ACACB: variants seen among roughly 807,000 people sequenced by gnomAD.
The protein encoded by ACACB is acetyl-CoA carboxylase beta, also known as acetyl-CoA carboxylase 2.
A neutral mutation model predicts 278.8 loss-of-function variants in ACACB; 209 were observed. That is an observed-to-expected ratio of 0.75 (90% CI 0.67 to 0.84). The LOEUF is 0.84. Ranked by LOEUF, ACACB falls within the 40% of genes least tolerant of loss-of-function variation. The pLI, the probability that ACACB is intolerant of heterozygous loss-of-function variation, is 0.00. For missense variants in ACACB, 2,850 were observed against 3,269.0 expected, an observed-to-expected ratio of 0.87 and a Z score of 3.13; for synonymous variants, 1,174 against 1,285.6, an observed-to-expected ratio of 0.91 and a Z score of 1.86.
At chr12:109,192,564 A>G (rs368159293) in intron 15 of ACACB, among the ~76,000 whole-genome samples, 14 of 152,132 alleles carry the variant, frequency 9.2e-5, no homozygotes, top group African/African-American at 2.2e-4. Context: ...ACATTGCCCA[A>G]TGTCCCAGGG....
At chr12:109,129,308 G>C (rs973445621) in intron 1 of ACACB, among the ~76,000 whole-genome samples, 2 of 152,168 alleles carry the variant, frequency 1.3e-5, no homozygotes, top group African/African-American at 4.8e-5. Context: ...TGTGGGCTTA[G>C]AGAGTGACTG....
chr12:109,153,420 G>A (rs946159150), intron 2 of ACACB, among the ~76,000 whole-genome samples: 2 of 152,090 alleles, frequency 1.3e-5, no homozygotes, highest in African/African-American at 2.4e-5. Context: ...CTGAAGTTTC[G>A]CTGAAAAATT....
the ACACB span, chr12:109,111,493 G>A: frequency 4.6e-5 from 7 of 152,256 alleles, no homozygotes; most frequent in Non-Finnish European, 7.3e-5. Flanking sequence ...CTGTCAGGAT[G>A]ATCTGTGGGA....
chr12:109,246,634 T>C (rs2046954613), intron 39 of ACACB, among the ~76,000 whole-genome samples, 186 bp downstream of exon 39: 1 of 151,464 alleles, frequency 6.6e-6, no homozygotes, highest in South Asian at 2.1e-4. Context: ...GCGGGGGGGA[T>C]GGTGATGAGA....
chr12:109,167,930 A>G lies in ACACB; in HGVS notation c.821A>G (p.Lys274Arg). The change falls in exon 4 of 53, where the codon AAG (lysine) becomes AGG (arginine). Residue 274 changes from lysine (K) to arginine (R), a missense_variant. Physicochemically the swap from Lys to Arg is conservative, Grantham distance 26. This residue lies in a region of ACACB where 2,265 missense variants were observed against 2,561.3 expected (regional missense o/e 0.88). Transcript: ENST00000338432. ...GCCAACAACGGGATTGCCGCCGTGA[A>G]GTGCATGCGCTCCATCCGCAGGTGG... The part of the protein sequence containing the change: ...LIANNGIAAV[K>R]CMRSIRRWAY... 3 of 1,613,920 alleles carry G rather than the reference A, an allele frequency of 1.9e-6. No homozygotes were observed. The highest frequency in any genetic ancestry group is 2.5e-6 in the Non-Finnish European group (3 of 1,179,980).
At chr12:109,134,733 C>T (rs150043340) in intron 1 of ACACB, among the ~76,000 whole-genome samples, 46 of 152,250 alleles carry the variant, frequency 3.0e-4, no homozygotes, top group Non-Finnish European at 5.7e-4. Flanking sequence ...AGATTCACAA[C>T]CAAAGGGCAG....
chr12:109,198,991 TC>T (rs1271367707), intron 17 of ACACB, among the ~76,000 whole-genome samples: 2 of 151,636 alleles, frequency 1.3e-5, no homozygotes, highest in Non-Finnish European at 2.9e-5. Flanking sequence ...ATCGAGACCA[TC>T]CTGGCTAACA....
intron 22 of ACACB, among the ~76,000 whole-genome samples, chr12:109,214,228 C>T (rs2045930278): frequency 6.6e-6 from 1 of 152,122 alleles, no homozygotes; most frequent in African/African-American, 2.4e-5. Context: ...CGCCATTGCA[C>T]TCCAGCCTGG....
At chr12:109,199,138 C>T (rs915373834) in intron 17 of ACACB, among the ~76,000 whole-genome samples, 2 of 151,716 alleles carry the variant, frequency 1.3e-5, no homozygotes, top group Middle Eastern at 3.4e-3. Context: ...TGCAGTGAGC[C>T]GAGATCGCGC....
At chr12:109,210,202 T>TATATACATATATAC (rs2045720998) in intron 21 of ACACB, among the ~76,000 whole-genome samples, 1 of 52,830 alleles carries the variant, frequency 1.9e-5, no homozygotes, top group Non-Finnish European at 3.6e-5. Flanking sequence ...TGTATATGTA[T>TATATACATATATAC]ATATGTATAT....
Position 109,233,731 on chromosome 12 carries a change from T to C in ACACB, c.4140-17T>C, listed in dbSNP as rs1203373440. The C allele has an allele frequency of 6.2e-7, 1 of 1,611,392 alleles. No homozygotes were observed. The highest frequency in any genetic ancestry group is 1.3e-5 in the African/African-American group (1 of 74,902). ...GTCAGCAGCCCCTCAGCCCTCCCTC[T>C]CTACCCGCACCCCCAGAAATTTTGA... On this transcript the variant is annotated splice_polypyrimidine_tract_variant and intron_variant, in intron 29 of 52. Coordinates refer to ENST00000338432, the MANE Select transcript of ACACB (RefSeq NM_001093.4).
chr12:109,151,888 G>A (rs564227423), intron 2 of ACACB, among the ~76,000 whole-genome samples: 17 of 152,318 alleles, frequency 1.1e-4, no homozygotes, highest in African/African-American at 3.6e-4. Context: ...AAAAGTAATC[G>A]TGGTTTTTGC....
chr12:109,177,322 T>A lies in ACACB; in HGVS notation c.1437+1059T>A, dbSNP rs117342088. ...TATGAATAATAATACCACAGTATAA[T>A]GTGATATTTAGTACTATAAATAACA... On this transcript the variant is annotated intron_variant, in intron 9 of 52. Coordinates refer to ENST00000338432, the MANE Select transcript of ACACB (RefSeq NM_001093.4). Among the ~76,000 whole-genome samples the A allele has an allele frequency of 4.3e-4, 65 of 152,382 alleles. 1 individual carries two copies. The East Asian group carries it at 0.011, about 25-fold the overall frequency.
In ACACB at chr12:109,179,206, G is replaced by A. The variant is rs1487182342; in HGVS notation, c.1556G>A (p.Arg519His). ...QYGNAVSLFG[R>H]DCSIQRRHQK... ...GGGAATGCTGTGTCTCTGTTTGGTC[G>A]CGACTGCTCCATCCAGCGGCGGCAT... The change falls in exon 10 of 53, where the codon CGC becomes CAC. Residue 519 changes from arginine (R) to histidine (H), a missense_variant. Around this residue, in one of 3 missense-constraint regions of ACACB, gnomAD observed 2,265 missense variants for 2,561.3 expected, o/e 0.88. Transcript: ENST00000338432. 25 of 1,613,932 alleles carry A rather than the reference G, an allele frequency of 1.5e-5. No homozygotes were observed. The highest frequency in any genetic ancestry group is 2.2e-5 in the East Asian group (1 of 44,886).
chr12:109,257,638 G>A (rs2047264133), intron 45 of ACACB, among the ~76,000 whole-genome samples: 2 of 152,094 alleles, frequency 1.3e-5, no homozygotes, highest in South Asian at 4.2e-4. Context: ...AGGCATGATC[G>A]CTGTTCACTG....
At chr12:109,116,251 A>G (rs1267956395), upstream of ACACB, among the ~76,000 whole-genome samples, 2 of 152,174 alleles carry the variant, frequency 1.3e-5, no homozygotes, top group African/African-American at 2.4e-5. Flanking sequence ...ACGGTTTTCA[A>G]TGGGGGCTTG....
intron 37 of ACACB, 134 bp downstream of exon 37, chr12:109,242,726 G>A (rs917402422): frequency 2.2e-5 from 24 of 1,085,866 alleles, no homozygotes; most frequent in African/African-American, 4.7e-5. Context: ...GGTGGCTCAC[G>A]CCTATAATCC....
At chr12:109,127,622 T>C (rs893177444) in intron 1 of ACACB, among the ~76,000 whole-genome samples, 1 of 151,962 alleles carries the variant, frequency 6.6e-6, no homozygotes, top group Non-Finnish European at 1.5e-5. Context: ...AATAAAGTTC[T>C]TAGTATTTGC....
chr12:109,166,743 A>G (rs977035365), intron 2 of ACACB, 118 bp from the exon 3 acceptor site: 2 of 1,333,588 alleles, frequency 1.5e-6, no homozygotes, highest in Non-Finnish European at 2.1e-6. Flanking sequence ...GAGCAAGTGC[A>G]AAGCAGGGGG....
Sources: gnomAD v4.1 joint callset for allele counts (sites outside exome capture counted in the v4.1 genomes callset) on GRCh38, gnomAD v4.1.1 for gene constraint, gnomAD v4.1.1 regional missense constraint, MANE v1.5 for transcripts, NCBI Gene and HGNC (gene_info 2026-07-23, HGNC 2026-07-21) for gene names.